Variants in ACSL1 observed in about 807,000 individuals in gnomAD.
ACSL1 encodes acyl-CoA synthetase long chain family member 1, also known as long-chain-fatty-acid--CoA ligase 1.
In ACSL1, 41 loss-of-function variants were observed where a neutral mutation model predicts 98.4. The observed-to-expected ratio is 0.42, with a 90% CI of 0.32 to 0.54. ACSL1 has a LOEUF of 0.54. Ranked by LOEUF, ACSL1 falls within the 20% of genes least tolerant of loss-of-function variation. The pLI, the probability that ACSL1 is intolerant of heterozygous loss-of-function variation, is 0.13. For synonymous variants in ACSL1, 316 were observed against 322.7 expected (o/e 0.98, Z 0.22); for missense variants, 734 against 883.1 (o/e 0.83, Z 2.14).
chr4:184,757,511 C>G lies in ACSL1; in HGVS notation c.1956+124G>C, dbSNP rs1364175604. 4 of 1,004,904 alleles carry G rather than the reference C, an allele frequency of 4.0e-6. No homozygotes were observed. Among genetic ancestry groups the G allele is most frequent in the Non-Finnish European group, 5.9e-6 (4 of 676,108 alleles). 62.2% of individuals were successfully genotyped at this position (1,004,904 alleles called of 1,614,324 possible). A position where few individuals can be genotyped will look rare whatever the true frequency, so the allele number is the denominator to read the frequency against. ...TAAAAACCTTTCCCCTGTCAAACTACTCCATTATTTATTCCTCATGTATGT... is the reference window on the plus strand; with the variant it reads ...TAAAAACCTTTCCCCTGTCAAACTAGTCCATTATTTATTCCTCATGTATGT... On this transcript the variant is annotated intron_variant, in intron 20 of 20. Coordinates refer to ENST00000281455, the MANE Select transcript of ACSL1 (RefSeq NM_001995.5). The surrounding 1 kb of genome is among the most constrained non-coding windows in gnomAD (Gnocchi z 4.5).
intron 5 of ACSL1, among the ~76,000 whole-genome samples, chr4:184,779,662 C>T (rs1765901586): frequency 6.6e-6 from 1 of 152,122 alleles, no homozygotes; most frequent in Non-Finnish European, 1.5e-5. Flanking sequence ...CTGCTATTGA[C>T]AAAAATGTAT....
chr4:184,765,867 C>G (rs548786093), intron 14 of ACSL1, 24 bp downstream of exon 14: 379 of 1,604,806 alleles, frequency 2.4e-4, no homozygotes, highest in Non-Finnish European at 8.5e-6. Context: ...GTGGGAGAAT[C>G]AGGCGCCGTG....
chr4:184,811,150 C>T (rs531712365), intron 1 of ACSL1, among the ~76,000 whole-genome samples: 32 of 152,200 alleles, frequency 2.1e-4, no homozygotes, highest in Non-Finnish European at 3.5e-4. Context: ...ACTTTGTCGC[C>T]CAGGCTGGAG....
chr4:184,800,738 C>T (rs992432792), intron 2 of ACSL1, among the ~76,000 whole-genome samples: 4 of 152,218 alleles, frequency 2.6e-5, no homozygotes, highest in African/African-American at 9.6e-5. Flanking sequence ...CGGGCTCCAA[C>T]ACTTAAGAAA....
rs777170486 is a variant in ACSL1, at chr4:184,813,933, AG to A, written c.-32-10388del. On this transcript the variant is annotated intron_variant, in intron 1 of 20. Transcript: ENST00000281455. ...GGTACCTAGATCCTGGGGTCCTCTC[AG>A]GTGCTCTGCCCAAAGTCAGGATCTT... 39 of 451,490 alleles carry A rather than the reference AG, an allele frequency of 8.6e-5. 1 individual carries two copies. Among genetic ancestry groups the A allele is most frequent in the South Asian group, 6.1e-4 (39 of 64,458 alleles). 28.0% of individuals were successfully genotyped at this position (451,490 alleles called of 1,614,324 possible). A position where few individuals can be genotyped will look rare whatever the true frequency, so the allele number is the denominator to read the frequency against.
intron 2 of ACSL1, among the ~76,000 whole-genome samples, chr4:184,789,142 A>G (rs1767916779): frequency 1.3e-5 from 2 of 152,254 alleles, no homozygotes; most frequent in South Asian, 4.1e-4. Context: ...CTGCAGTGCA[A>G]GATGTGCTGA....
intron 1 of ACSL1, among the ~76,000 whole-genome samples, chr4:184,809,361 A>G (rs550857814): frequency 8.2e-4 from 125 of 152,330 alleles, no homozygotes; most frequent in African/African-American, 2.9e-3. Context: ...GATCTCAAAC[A>G]CAATATGTCG....
chr4:184,798,756 C>T (rs905209529), intron 2 of ACSL1: 2 of 152,346 alleles, frequency 1.3e-5, no homozygotes, highest in African/African-American at 4.8e-5. Flanking sequence ...ATTGTGATCA[C>T]TGGAGGTGTA....
intron 2 of ACSL1, among the ~76,000 whole-genome samples, chr4:184,799,279 G>A (rs1031352277): frequency 6.6e-6 from 1 of 151,968 alleles, no homozygotes; most frequent in Non-Finnish European, 1.5e-5. Flanking sequence ...ACCACGCCTG[G>A]CTAATTTTTG....
intron 1 of ACSL1, among the ~76,000 whole-genome samples, chr4:184,815,460 G>A (rs1311251949): frequency 6.6e-6 from 1 of 151,812 alleles, no homozygotes; most frequent in African/African-American, 2.4e-5. Flanking sequence ...AGTTCACAGA[G>A]CCCTCCTGTC....
At chr4:184,820,637 C>G (rs553524095) in intron 1 of ACSL1, among the ~76,000 whole-genome samples, 4 of 152,040 alleles carry the variant, frequency 2.6e-5, no homozygotes, top group African/African-American at 9.7e-5. Context: ...CAGAGTCTCA[C>G]TCTGTCACCC....
chr4:184,804,104 T>C (rs1579948242), intron 1 of ACSL1, among the ~76,000 whole-genome samples: 1 of 152,348 alleles, frequency 6.6e-6, no homozygotes. Flanking sequence ...AGTGGCAATA[T>C]AAATGCTGGG....
rs1357840386 is a variant in ACSL1, at chr4:184,756,234, G to C, written c.*891C>G. The C allele has an allele frequency of 1.3e-5, 2 of 152,614 alleles. No individual in the cohort carries two copies. Among genetic ancestry groups the C allele is most frequent in the East Asian group, 3.8e-4 (2 of 5,202 alleles). 9.5% of individuals were successfully genotyped at this position (152,614 alleles called of 1,614,324 possible). Reference sequence around the variant, plus strand: ...TGTTGGCCTTTACACAGAGTGAGTGGTTCAGTGAAGATAAAGTAGACAGTT... The same window carrying C: ...TGTTGGCCTTTACACAGAGTGAGTGCTTCAGTGAAGATAAAGTAGACAGTT... On this transcript the variant is annotated 3_prime_UTR_variant, in exon 21 of 21. Coordinates refer to ENST00000281455, the MANE Select transcript of ACSL1 (RefSeq NM_001995.5).
chr4:184,795,784 G>A (rs1458990301), intron 2 of ACSL1, among the ~76,000 whole-genome samples: 1 of 152,200 alleles, frequency 6.6e-6, no homozygotes, highest in African/African-American at 2.4e-5. Flanking sequence ...GTAAGAAAAT[G>A]TAATTTAGCA....
intron 4 of ACSL1, 110 bp downstream of exon 4, chr4:184,783,817 G>A: frequency 1.0e-6 from 1 of 999,054 alleles, no homozygotes; most frequent in East Asian, 2.4e-5. Context: ...AAGGCTCTGA[G>A]CTGGTCCAGC....
intron 2 of ACSL1, among the ~76,000 whole-genome samples, chr4:184,800,649 G>C (rs965786114): frequency 6.6e-6 from 1 of 152,168 alleles, no homozygotes; most frequent in South Asian, 2.1e-4. Flanking sequence ...TCCTTGGCAC[G>C]CAGGGCATCA....
At position 184,825,221 on chromosome 4, in the gene ACSL1, T is replaced by C. The variant is rs1008306446; in HGVS notation, c.-33+695A>G. On this transcript the variant is annotated intron_variant, in intron 1 of 20. Transcript: ENST00000281455. The surrounding 1 kb of genome is among the most constrained non-coding windows in gnomAD (Gnocchi z 4.7). Reference sequence around the variant, plus strand: ...AATCCACGTGTCCATTCAAGTCATCTACCGCCACTCTCCGTCTACGCTGCC... The same window carrying C: ...AATCCACGTGTCCATTCAAGTCATCCACCGCCACTCTCCGTCTACGCTGCC... 20 of 985,272 alleles carry C rather than the reference T, an allele frequency of 2.0e-5. No homozygotes were observed. In the Admixed American group the frequency reaches 2.5e-4, roughly 12 times the overall value. The allele number at this position is 985,272 out of a possible 1,614,324, so 61.0% of individuals were successfully genotyped here.
At chr4:184,788,371 T>C (rs1767768126) in intron 3 of ACSL1, 1 of 607,980 alleles carries the variant, frequency 1.6e-6, no homozygotes, top group African/African-American at 1.8e-5. Flanking sequence ...GTGTAACATG[T>C]GACTCACCAT....
intron 7 of ACSL1, among the ~76,000 whole-genome samples, chr4:184,774,339 A>G (rs1476706791): frequency 2.6e-5 from 4 of 152,184 alleles, no homozygotes; most frequent in African/African-American, 9.7e-5. Context: ...CAATCTGGGA[A>G]GAAGAAAAAT....
Sources: gnomAD v4.1 joint callset for allele counts (sites outside exome capture counted in the v4.1 genomes callset) on GRCh38, gnomAD v4.1.1 for gene constraint, Gnocchi (gnomAD v3.1) non-coding constraint, MANE v1.5 for transcripts, NCBI Gene and HGNC (gene_info 2026-07-23, HGNC 2026-07-21) for gene names.